Variants in CEP63 observed in about 807,000 individuals in gnomAD.
CEP63 encodes the protein centrosomal protein 63, also known as centrosomal protein of 63 kDa.
In CEP63, 84 loss-of-function variants were observed where a neutral mutation model predicts 89.1. That is an observed-to-expected ratio of 0.94 (90% confidence interval 0.79 to 1.13). CEP63 has a LOEUF of 1.13. Ranked by LOEUF, CEP63 falls within the 50% of genes most tolerant of loss-of-function variation. The pLI, the probability that CEP63 is intolerant of heterozygous loss-of-function variation, is 0.00. For synonymous variants in CEP63, 267 were observed against 272.5 expected (o/e 0.98, Z 0.20); for missense variants, 838 against 813.3 (o/e 1.03, Z -0.37).
chr3:134,487,661 C>T (rs913981243), intron 1 of CEP63, among the ~76,000 whole-genome samples: 2 of 152,140 alleles, frequency 1.3e-5, no homozygotes, highest in African/African-American at 4.8e-5. Context: ...TATTTTAGTC[C>T]GCCTCCCCGC....
At chr3:134,699,047 A>T in the CEP63 span, among the ~76,000 whole-genome samples, 1 of 152,286 alleles carries the variant, frequency 6.6e-6, no homozygotes, top group East Asian at 1.9e-4. Context: ...TTGGGGCTCT[A>T]GCCAGTGGGC....
chr3:134,530,269 T>G (rs1217322927), intron 3 of CEP63, among the ~76,000 whole-genome samples: 1 of 152,246 alleles, frequency 6.6e-6, no homozygotes, highest in Non-Finnish European at 1.5e-5. Context: ...GGGTCTTTGA[T>G]TCCAGATAAC....
At chr3:134,643,226 G>T in the CEP63 span, 1 of 1,272,088 alleles carries the variant, frequency 7.9e-7, no homozygotes, top group South Asian at 1.3e-5. Flanking sequence ...CCCATAGTCT[G>T]AGCTCCACAT....
chr3:134,650,373 C>G, the CEP63 span, among the ~76,000 whole-genome samples: 1 of 152,192 alleles, frequency 6.6e-6, no homozygotes, highest in Non-Finnish European at 1.5e-5. Flanking sequence ...CAAGGCCACA[C>G]AGGGAGCTCC....
At chr3:134,650,933 C>T in the CEP63 span, 3 of 1,613,256 alleles carry the variant, frequency 1.9e-6, no homozygotes, top group African/African-American at 2.7e-5. Flanking sequence ...TCGATAGATA[C>T]AGCGTTGATG....
At chr3:134,714,013 G>A in the CEP63 span, among the ~76,000 whole-genome samples, 1 of 152,228 alleles carries the variant, frequency 6.6e-6, no homozygotes, top group Admixed American at 6.5e-5. Flanking sequence ...GAAAGGGATG[G>A]TGAGTCCCAG....
the CEP63 span, among the ~76,000 whole-genome samples, chr3:134,605,817 G>A: frequency 2.0e-5 from 3 of 152,038 alleles, no homozygotes; most frequent in African/African-American, 4.8e-5. Context: ...CTTCCTCTGA[G>A]TACTCTCCCC....
the CEP63 span, among the ~76,000 whole-genome samples, chr3:134,730,635 GT>G: frequency 4.0e-5 from 6 of 151,870 alleles, no homozygotes; most frequent in Non-Finnish European, 7.4e-5. Context: ...CTAGATAAAT[GT>G]TTTTTCATAA....
At chr3:134,561,117 C>A (rs1577450491) in intron 14 of CEP63, among the ~76,000 whole-genome samples, 1 of 152,226 alleles carries the variant, frequency 6.6e-6, no homozygotes, top group South Asian at 2.1e-4. Context: ...TTGAAACATT[C>A]TTCAGACCAA....
chr3:134,656,922 G>A, the CEP63 span, among the ~76,000 whole-genome samples: 8 of 152,162 alleles, frequency 5.3e-5, no homozygotes, highest in South Asian at 8.3e-4. Flanking sequence ...CCTAAATCCC[G>A]TCATCCCACC....
chr3:134,704,047 A>G, the CEP63 span, among the ~76,000 whole-genome samples: 3 of 152,114 alleles, frequency 2.0e-5, no homozygotes, highest in Admixed American at 1.3e-4. Flanking sequence ...CCATGCTTTT[A>G]TCCTGTAACT....
At chr3:134,658,541 C>T in the CEP63 span, among the ~76,000 whole-genome samples, 1 of 152,148 alleles carries the variant, frequency 6.6e-6, no homozygotes, top group African/African-American at 2.4e-5. Context: ...GTTTGTTGAA[C>T]ACAGAAAGTG....
the CEP63 span, among the ~76,000 whole-genome samples, chr3:134,732,423 A>T: frequency 1.9e-4 from 29 of 152,188 alleles, no homozygotes; most frequent in Non-Finnish European, 4.1e-4. Flanking sequence ...CTAAAAACAG[A>T]AAATGATAAA....
At chr3:134,684,371 C>A in the CEP63 span, among the ~76,000 whole-genome samples, 1 of 152,204 alleles carries the variant, frequency 6.6e-6, no homozygotes, top group Non-Finnish European at 1.5e-5. Context: ...TCAAATAATT[C>A]CACATGGGGA....
At chr3:134,737,748 G>A in the CEP63 span, among the ~76,000 whole-genome samples, 1 of 152,324 alleles carries the variant, frequency 6.6e-6, no homozygotes, top group African/African-American at 2.4e-5. Context: ...TGGATGGCTA[G>A]CAGCAGGGAG....
the CEP63 span, chr3:134,647,616 AG>A: frequency 9.7e-6 from 6 of 617,974 alleles, no homozygotes; most frequent in Non-Finnish European, 1.7e-5. Context: ...GGAATCTGAG[AG>A]AGGCTACCCA....
At chr3:134,754,322 C>T in the CEP63 span, among the ~76,000 whole-genome samples, 1 of 152,204 alleles carries the variant, frequency 6.6e-6, no homozygotes, top group Non-Finnish European at 1.5e-5. Flanking sequence ...CCCTGGGCTG[C>T]CCATATTCGC....
chr3:134,647,394 T>G, the CEP63 span: 40 of 1,392,052 alleles, frequency 2.9e-5, no homozygotes, highest in Non-Finnish European at 3.2e-5. Flanking sequence ...TATTATTCAA[T>G]GTATTAAATC....
intron 2 of CEP63, among the ~76,000 whole-genome samples, chr3:134,499,863 G>T (rs1166920839): frequency 1.8e-5 from 2 of 112,080 alleles, no homozygotes; most frequent in African/African-American, 6.9e-5. Context: ...TCGCTCTGTT[G>T]CCCAGGCTGG....
Sources: allele counts gnomAD v4.1 joint callset (sites outside exome capture counted in the v4.1 genomes callset), GRCh38; gene constraint gnomAD v4.1.1; transcripts MANE v1.5; gene names NCBI Gene and HGNC (gene_info 2026-07-23, HGNC 2026-07-21).